Variants in SLC7A11 observed in about 807,000 individuals in gnomAD.
SLC7A11 encodes the protein solute carrier family 7 member 11.
In SLC7A11, 35 loss-of-function variants were observed where a neutral mutation model predicts 54.5. The observed-to-expected ratio is 0.64, with a 90% CI of 0.49 to 0.85. The LOEUF (loss-of-function observed/expected upper bound fraction) is 0.85. SLC7A11 is among the 40% of genes least tolerant of loss of function. The pLI, the probability that SLC7A11 is intolerant of heterozygous loss-of-function variation, is 0.00. For synonymous variants in SLC7A11, 230 were observed against 225.2 expected (o/e 1.02, Z -0.19); for missense variants, 583 against 618.1 (o/e 0.94, Z 0.60).
intron 11 of SLC7A11, among the ~76,000 whole-genome samples, chr4:138,172,425 T>A (rs1736449341): frequency 1.3e-5 from 2 of 152,214 alleles, no homozygotes; most frequent in South Asian, 4.1e-4. Context: ...AGAATCAGAA[T>A]GTAATTTTCA....
Position 138,236,327 on chromosome 4 carries a change from T to C in SLC7A11, c.402A>G (p.Ile134Met). 1 of 1,607,304 alleles carries C rather than the reference T, an allele frequency of 6.2e-7. No homozygotes were observed. Among genetic ancestry groups the C allele is most frequent in the Middle Eastern group, 1.7e-4 (1 of 6,012 alleles). Reference sequence around the variant, plus strand: ...AATTCTTTCTACTATGCTCTTACCGTATTATGAGGAGTTCCACCCAGACTC... The same window carrying C: ...AATTCTTTCTACTATGCTCTTACCGCATTATGAGGAGTTCCACCCAGACTC... ...FVRVWVELLI[I>M]RPAATAVISL... Residue 134 changes from isoleucine (I) to methionine (M), a missense_variant and splice_region_variant, in exon 2 of 12, where the codon ATA (isoleucine) becomes ATG (methionine). By Grantham distance (10) the Ile-to-Met change is conservative. Transcript: ENST00000280612.
intron 2 of SLC7A11, among the ~76,000 whole-genome samples, chr4:138,236,042 GCATCT>G (rs1231700381): frequency 6.6e-6 from 1 of 152,184 alleles, no homozygotes; most frequent in Admixed American, 6.5e-5. Context: ...TTTCAAGTAA[GCATCT>G]TTCTCCTGGA....
Position 138,164,338 on chromosome 4 carries a change from C to T in SLC7A11, c.*7618G>A, listed in dbSNP as rs987379426. On this transcript the variant is annotated 3_prime_UTR_variant, in exon 12 of 12. Coordinates refer to ENST00000280612, the MANE Select transcript of SLC7A11 (RefSeq NM_014331.4). ...AAGATGAAAACAAACACACTTACTT[C>T]ATAGCATCTTACCACTTACTTACAC... 1 of 152,054 alleles carries T rather than the reference C, an allele frequency of 6.6e-6. No homozygotes were observed. Among genetic ancestry groups the T allele is most frequent in the Non-Finnish European group, 1.5e-5 (1 of 67,992 alleles). 9.4% of individuals were successfully genotyped at this position (152,054 alleles called of 1,614,324 possible). A position where few individuals can be genotyped will look rare whatever the true frequency, so the allele number is the denominator to read the frequency against.
chr4:138,175,939 T>G (rs536878810), intron 11 of SLC7A11: 1 of 152,302 alleles, frequency 6.6e-6, no homozygotes, highest in African/African-American at 2.4e-5. Flanking sequence ...TTTGGAATTT[T>G]ACCTAATGAA....
At position 138,242,318 on chromosome 4, in the gene SLC7A11, C is replaced by T. The variant is rs998909670; in HGVS notation, c.-249G>A. 3.8e-6 allele frequency: 2 copies of T among 529,734 alleles called. No individual in the cohort carries two copies. Among genetic ancestry groups the T allele is most frequent in the South Asian group, 4.2e-5 (2 of 47,498 alleles). 32.8% of individuals were successfully genotyped at this position (529,734 alleles called of 1,614,324 possible). On this transcript the variant is annotated 5_prime_UTR_variant, in exon 1 of 12. Transcript: ENST00000280612. The stretch of plus-strand genomic sequence containing the variant: ...CCTCCTCGTTCCACCACTGCTGCTG[C>T]TGCTGCTGCTGCCGCCCTATCATTA...
At chr4:138,179,439 A>T in intron 10 of SLC7A11, 45 bp from the exon 11 acceptor site, 1 of 1,553,906 alleles carries the variant, frequency 6.4e-7, no homozygotes, top group Non-Finnish European at 8.8e-7. Context: ...ATGTTCAAGC[A>T]ACAGAAGCTG....
At chr4:138,173,536 AG>A in intron 11 of SLC7A11, among the ~76,000 whole-genome samples, 1 of 151,954 alleles carries the variant, frequency 6.6e-6, no homozygotes, top group South Asian at 2.1e-4. Flanking sequence ...CAGGAGGCTG[AG>A]GCAGGAGAAT....
At chr4:138,227,899 T>C (rs1238475633) in intron 3 of SLC7A11, among the ~76,000 whole-genome samples, 1 of 152,222 alleles carries the variant, frequency 6.6e-6, no homozygotes, top group Non-Finnish European at 1.5e-5. Context: ...TATGTTTATT[T>C]ACCTAAGAAT....
chr4:138,231,193 G>T (rs184483317), intron 3 of SLC7A11, among the ~76,000 whole-genome samples: 2 of 152,052 alleles, frequency 1.3e-5, no homozygotes, highest in Non-Finnish European at 2.9e-5. Context: ...GAGATGAGAG[G>T]GTAGGAGGAG....
rs138007034 is a variant in SLC7A11, at chr4:138,180,782, C to T, written c.1125G>A (p.Leu375=). Residue 375 remains leucine (L), a synonymous_variant, in exon 10 of 12, where the codon TTG becomes TTA. Transcript: ENST00000280612. ...CTCCAGAGAAGAGCATTATCATTGT[C>T]AAAGGGTGCTGAGGGGGGAAAGGGA... ...PLPAVIVLHP[L]TMIMLFSGDL... 6 of 1,612,010 alleles carry T rather than the reference C, an allele frequency of 3.7e-6. No individual in the cohort carries two copies. The African/African-American group carries it at 5.3e-5, about 14-fold the overall frequency.
intron 6 of SLC7A11, among the ~76,000 whole-genome samples, chr4:138,207,975 G>A (rs1308147613): frequency 2.6e-5 from 4 of 152,042 alleles, no homozygotes; most frequent in Non-Finnish European, 1.5e-5. Flanking sequence ...TTTTAAGACG[G>A]CAGCATCTGA....
intron 5 of SLC7A11, 138 bp downstream of exon 5, chr4:138,219,128 T>C (rs1737745695): frequency 3.5e-6 from 2 of 577,552 alleles, no homozygotes; most frequent in East Asian, 3.0e-5. Flanking sequence ...TAATACCTTA[T>C]TTCTCATTTC....
intron 6 of SLC7A11, among the ~76,000 whole-genome samples, chr4:138,193,559 T>C (rs1737062002): frequency 6.6e-6 from 1 of 152,100 alleles, no homozygotes; most frequent in African/African-American, 2.4e-5. Flanking sequence ...CCTAGCACTT[T>C]GGGAGGCTGA....
In SLC7A11 at chr4:138,182,279, C is replaced by A. The variant is rs776789011; in HGVS notation, c.1116+18G>T. On this transcript the variant is annotated intron_variant, in intron 9 of 11. Transcript: ENST00000280612. ...TTATTCAAGGTTATATCTAGATATACTTGTTAATATGCATTACCAAAACAA... is the reference window on the plus strand; with the variant it reads ...TTATTCAAGGTTATATCTAGATATAATTGTTAATATGCATTACCAAAACAA... 1 of 1,450,848 alleles carries A rather than the reference C, an allele frequency of 6.9e-7. No individual in the cohort carries two copies. Among genetic ancestry groups the A allele is most frequent in the Middle Eastern group, 1.7e-4 (1 of 5,736 alleles). 89.9% of individuals were successfully genotyped at this position (1,450,848 alleles called of 1,614,324 possible).
intron 5 of SLC7A11, among the ~76,000 whole-genome samples, chr4:138,218,639 G>C (rs1023567403): frequency 1.3e-5 from 2 of 152,164 alleles, no homozygotes; most frequent in Non-Finnish European, 2.9e-5. Flanking sequence ...AAATATATCT[G>C]TGGCATCATG....
At chr4:138,212,780 A>G (rs1417577564) in intron 6 of SLC7A11, among the ~76,000 whole-genome samples, 2 of 151,900 alleles carry the variant, frequency 1.3e-5, no homozygotes, top group Non-Finnish European at 2.9e-5. Context: ...GTTAAATAAT[A>G]TTAAAGATAA....
intron 6 of SLC7A11, among the ~76,000 whole-genome samples, chr4:138,206,996 C>CAAAA (rs369656942): frequency 0.088 from 9,925 of 112,854 alleles, 558 homozygotes; most frequent in East Asian, 0.27. Flanking sequence ...TAAAGAAAAG[C>CAAAA]AAAAAAAAAA....
At chr4:138,173,891 A>G (rs1365060016) in intron 11 of SLC7A11, among the ~76,000 whole-genome samples, 2 of 152,182 alleles carry the variant, frequency 1.3e-5, no homozygotes, top group Non-Finnish European at 2.9e-5. Context: ...TGACAAACTT[A>G]TTCTATAAAA....
intron 6 of SLC7A11, among the ~76,000 whole-genome samples, chr4:138,189,088 C>T (rs951450458): frequency 3.3e-5 from 5 of 152,118 alleles, no homozygotes; most frequent in African/African-American, 9.7e-5. Flanking sequence ...AACCAGTCTA[C>T]GTCACACATA....
Sources: allele counts gnomAD v4.1 joint callset (sites outside exome capture counted in the v4.1 genomes callset), GRCh38; gene constraint gnomAD v4.1.1; transcripts MANE v1.5; gene names NCBI Gene and HGNC (gene_info 2026-07-23, HGNC 2026-07-21).